PARD3: variants seen among roughly 807,000 people sequenced by gnomAD.
PARD3 encodes partitioning defective 3 homolog.
Under a neutral mutation model 155.4 loss-of-function variants are expected in PARD3, and 75 were observed. That is an observed-to-expected ratio of 0.48 (90% CI 0.40 to 0.58). The LOEUF (loss-of-function observed/expected upper bound fraction) is 0.58, where lower values mean the gene tolerates loss of function less well. Ranked by LOEUF, PARD3 falls within the 20% of genes least tolerant of loss-of-function variation. The pLI is 0.00. For synonymous variants in PARD3, 576 were observed against 610.5 expected (o/e 0.94, Z 0.83); for missense variants, 1,642 against 1,721.7 (o/e 0.95, Z 0.82).
At chr10:34,692,968 C>T (rs1054821574) in intron 2 of PARD3, among the ~76,000 whole-genome samples, 1 of 152,174 alleles carries the variant, frequency 6.6e-6, no homozygotes, top group Non-Finnish European at 1.5e-5. Context: ...ACATTACTAT[C>T]ATTAGAGAAA....
chr10:34,262,396 A>C (rs1405880990), intron 22 of PARD3, among the ~76,000 whole-genome samples: 2 of 152,110 alleles, frequency 1.3e-5, no homozygotes, highest in African/African-American at 4.8e-5. Flanking sequence ...CCTCCTGAGT[A>C]GCTGGGACTA....
At chr10:34,204,233 A>G (rs893020646) in intron 22 of PARD3, among the ~76,000 whole-genome samples, 2 of 152,214 alleles carry the variant, frequency 1.3e-5, no homozygotes, top group Non-Finnish European at 2.9e-5. Context: ...GAAAGGCACC[A>G]AGTTCAAGAG....
At chr10:34,473,440 ACCTTGGGAGGCCAAAGT>A (rs2078493471) in intron 3 of PARD3, among the ~76,000 whole-genome samples, 1 of 152,074 alleles carries the variant, frequency 6.6e-6, no homozygotes, top group East Asian at 1.9e-4. Flanking sequence ...TAATCCCAGC[ACCTTGGGAGGCCAAAGT>A]GGGAGAATTG....
chr10:34,545,830 T>C (rs889713740), intron 2 of PARD3, among the ~76,000 whole-genome samples: 1 of 152,204 alleles, frequency 6.6e-6, no homozygotes, highest in Non-Finnish European at 1.5e-5. Flanking sequence ...AGTGCTGGGA[T>C]TACAGATGTG....
chr10:34,480,964 C>A (rs1486545554), intron 3 of PARD3, among the ~76,000 whole-genome samples: 1 of 151,530 alleles, frequency 6.6e-6, no homozygotes, highest in South Asian at 2.1e-4. Flanking sequence ...ACCACATCTG[C>A]ATAATTTTTG....
chr10:34,161,527 G>T (rs1300887332), intron 22 of PARD3, among the ~76,000 whole-genome samples: 3 of 152,028 alleles, frequency 2.0e-5, no homozygotes, highest in Non-Finnish European at 2.9e-5. Flanking sequence ...GGCCAAGACT[G>T]GTGGAAATCC....
At chr10:34,278,160 C>A (rs1955978590) in intron 21 of PARD3, among the ~76,000 whole-genome samples, 1 of 151,986 alleles carries the variant, frequency 6.6e-6, no homozygotes. Context: ...CATCCTCCCA[C>A]ACCAGCCTCC....
chr10:34,206,321 A>G (rs927933036), intron 22 of PARD3, among the ~76,000 whole-genome samples: 2 of 152,190 alleles, frequency 1.3e-5, no homozygotes, highest in African/African-American at 4.8e-5. Context: ...CAGGTCTCAG[A>G]TGTCATTCAC....
rs566898778 is a variant in PARD3, at chr10:34,665,834, C to G, written c.222+30484G>C. Among the ~76,000 whole-genome samples, 438 of 111,484 alleles carry G rather than the reference C, an allele frequency of 3.9e-3. 9 individuals are homozygous for G. Among genetic ancestry groups the G allele is most frequent in the African/African-American group, 0.015 (416 of 27,828 alleles). 73.1% of individuals were successfully genotyped at this position (111,484 alleles called of 152,430 possible). On this transcript the variant is annotated intron_variant, in intron 2 of 24. Transcript: ENST00000374788. ...GCCTGGGCTTTTTGAGACTTCGTCT[C>G]AATTAAAGAACAGAACAGAACAGAA...
chr10:34,604,631 T>C (rs1285009715), intron 2 of PARD3, among the ~76,000 whole-genome samples: 3 of 148,374 alleles, frequency 2.0e-5, no homozygotes, highest in Admixed American at 6.7e-5. Flanking sequence ...TAAAGATGTA[T>C]ATGATATATA....
At chr10:34,476,993 C>T (rs1313471710) in intron 3 of PARD3, among the ~76,000 whole-genome samples, 1 of 152,186 alleles carries the variant, frequency 6.6e-6, no homozygotes, top group African/African-American at 2.4e-5. Context: ...GGTTCCCCAC[C>T]TCTAACTGTC....
At chr10:34,800,471 C>A (rs547546294) in intron 1 of PARD3, among the ~76,000 whole-genome samples, 5 of 150,286 alleles carry the variant, frequency 3.3e-5, no homozygotes, top group Non-Finnish European at 7.4e-5. Context: ...ATTAGCCAGG[C>A]GTGGTAGTGG....
At chr10:34,674,572 C>T (rs1459708460) in intron 2 of PARD3, among the ~76,000 whole-genome samples, 1 of 150,136 alleles carries the variant, frequency 6.7e-6, no homozygotes, top group Non-Finnish European at 1.5e-5. Flanking sequence ...CTGCAACCTC[C>T]GTCTCCCGGG....
At chr10:34,246,153 G>A (rs1330727581) in intron 22 of PARD3, among the ~76,000 whole-genome samples, 1 of 152,174 alleles carries the variant, frequency 6.6e-6, no homozygotes, top group Non-Finnish European at 1.5e-5. Flanking sequence ...AGTAGAGAGG[G>A]GCTGAAGCCC....
At position 34,745,133 on chromosome 10, in the gene PARD3, A is replaced by T. The variant is rs565492075; in HGVS notation, c.121-48714T>A. Among the ~76,000 whole-genome samples, 5 of 152,316 alleles carry T rather than the reference A, an allele frequency of 3.3e-5. No individual in the cohort carries two copies. In the South Asian group the frequency reaches 1.0e-3, roughly 32 times the overall value. ...TGTCAGTGCTTTGGGAGGCCAAGGC[A>T]GGAGGATCACTTGAGGCCAGGAGTT... is the stretch of plus-strand genomic sequence containing the variant. On this transcript the variant is annotated intron_variant, in intron 1 of 24. Coordinates refer to ENST00000374788, the MANE Select transcript of PARD3 (RefSeq NM_001184785.2).
At chr10:34,657,892 A>C (rs949572517) in intron 2 of PARD3, among the ~76,000 whole-genome samples, 1 of 150,748 alleles carries the variant, frequency 6.6e-6, no homozygotes, top group Non-Finnish European at 1.5e-5. Context: ...CACGCCTATA[A>C]TCCCAGCACT....
intron 22 of PARD3, among the ~76,000 whole-genome samples, chr10:34,236,953 C>T (rs879826344): frequency 2.0e-5 from 3 of 152,018 alleles, no homozygotes; most frequent in Non-Finnish European, 4.4e-5. Context: ...GTTAAAATAC[C>T]ATAAAATTAG....
intron 2 of PARD3, among the ~76,000 whole-genome samples, chr10:34,642,256 T>C (rs2092701536): frequency 6.6e-6 from 1 of 151,258 alleles, no homozygotes; most frequent in Non-Finnish European, 1.5e-5. Flanking sequence ...TCCACCTCCC[T>C]CTCTCCACTC....
intron 2 of PARD3, among the ~76,000 whole-genome samples, chr10:34,630,838 T>G (rs980181809): frequency 9.3e-5 from 13 of 139,852 alleles, no homozygotes; most frequent in Non-Finnish European, 1.8e-4. Flanking sequence ...TTTATTTATT[T>G]ATTGAAACAA....
Sources: gnomAD v4.1 joint callset for allele counts (sites outside exome capture counted in the v4.1 genomes callset) on GRCh38, gnomAD v4.1.1 for gene constraint, MANE v1.5 for transcripts, NCBI Gene and HGNC (gene_info 2026-07-23, HGNC 2026-07-21) for gene names.